Variants in RNF130 observed in about 807,000 individuals in gnomAD.
RNF130 encodes E3 ubiquitin-protein ligase RNF130.
A neutral mutation model predicts 44.6 loss-of-function variants in RNF130; 21 were observed. That is an observed-to-expected ratio of 0.47 (90% CI 0.33 to 0.68). The LOEUF is 0.68. Ranked by LOEUF, RNF130 falls within the 30% of genes least tolerant of loss-of-function variation. The probability of loss-of-function intolerance (pLI) is 0.02; values close to 1 mark genes in which losing one functional copy is unlikely to be tolerated. For synonymous variants in RNF130, 214 were observed against 210.4 expected, an observed-to-expected ratio of 1.02 and a Z score of -0.15; for missense variants, 479 against 560.6, an observed-to-expected ratio of 0.85 and a Z score of 1.47.
chr5:179,956,541 T>A (rs538013748), intron 8 of RNF130: 4 of 152,826 alleles, frequency 2.6e-5, no homozygotes, highest in Middle Eastern at 3.4e-3. Context: ...CAGCTCTTTA[T>A]AAGAATCAAG....
chr5:179,999,064 C>G (rs1053199619), intron 3 of RNF130, among the ~76,000 whole-genome samples: 3 of 150,718 alleles, frequency 2.0e-5, no homozygotes, highest in Non-Finnish European at 3.0e-5. Flanking sequence ...GCTTTGTCAC[C>G]CAGGCTGGAG....
At chr5:180,027,910 C>T (rs1008310959) in intron 2 of RNF130, among the ~76,000 whole-genome samples, 24 of 152,232 alleles carry the variant, frequency 1.6e-4, no homozygotes, top group African/African-American at 5.3e-4. Flanking sequence ...CCCAGTGCAG[C>T]GCTGGAAAGC....
At chr5:179,970,742 G>A (rs1008166582) in intron 5 of RNF130, among the ~76,000 whole-genome samples, 20 of 152,020 alleles carry the variant, frequency 1.3e-4, no homozygotes, top group African/African-American at 4.8e-4. Flanking sequence ...TGGTTGTTTG[G>A]GCCTTTTATT....
intron 1 of RNF130, among the ~76,000 whole-genome samples, chr5:180,053,120 G>A (rs1470738575): frequency 3.3e-5 from 5 of 152,256 alleles, no homozygotes; most frequent in South Asian, 4.2e-4. Flanking sequence ...GCATGCCGAG[G>A]TCAACTGGCC....
At chr5:180,033,205 C>T (rs1171071311) in intron 2 of RNF130, among the ~76,000 whole-genome samples, 3 of 152,128 alleles carry the variant, frequency 2.0e-5, no homozygotes, top group Non-Finnish European at 4.4e-5. Context: ...TGGTTTTAAA[C>T]TCCTGGGCTC....
intron 7 of RNF130, among the ~76,000 whole-genome samples, chr5:179,937,221 A>AGTATC (rs1582129015): frequency 6.6e-6 from 1 of 152,248 alleles, no homozygotes; most frequent in African/African-American, 2.4e-5. Flanking sequence ...ATCAAAACGA[A>AGTATC]AGACTTGTGC....
intron 3 of RNF130, among the ~76,000 whole-genome samples, chr5:179,985,188 A>G (rs1762927768): frequency 7.6e-6 from 1 of 131,508 alleles, no homozygotes; most frequent in Non-Finnish European, 1.6e-5. Flanking sequence ...CATATCCACA[A>G]TCTGTTTCAT....
chr5:180,031,138 T>C (rs1006151870), intron 2 of RNF130, among the ~76,000 whole-genome samples: 25 of 152,238 alleles, frequency 1.6e-4, no homozygotes, highest in African/African-American at 6.0e-4. Context: ...TAACAAAGTA[T>C]GTATTAATCG....
chr5:179,953,915 T>G (rs528622808), downstream of RNF130, among the ~76,000 whole-genome samples: 1 of 152,170 alleles, frequency 6.6e-6, no homozygotes, highest in South Asian at 2.1e-4. Context: ...CAAAAAACAG[T>G]CCAATTTAAA....
At chr5:179,952,171 C>G (rs1762135658), downstream of RNF130, among the ~76,000 whole-genome samples, 1 of 151,916 alleles carries the variant, frequency 6.6e-6, no homozygotes, top group African/African-American at 2.4e-5. Context: ...GCACTCCAGC[C>G]TGGGTGACAG....
intron 2 of RNF130, among the ~76,000 whole-genome samples, chr5:180,024,894 T>C (rs925033036): frequency 4.6e-5 from 7 of 152,056 alleles, no homozygotes; most frequent in African/African-American, 1.7e-4. Context: ...GCAGTAAAGC[T>C]CTCCTGGGGG....
intron 3 of RNF130, 87 bp downstream of exon 3, chr5:180,012,974 A>G: frequency 6.9e-7 from 1 of 1,457,714 alleles, no homozygotes; most frequent in South Asian, 1.4e-5. Context: ...TTTAAAAGAA[A>G]AAACATGTTA....
intron 3 of RNF130, among the ~76,000 whole-genome samples, chr5:179,983,695 T>A (rs1762893235): frequency 6.6e-6 from 1 of 152,162 alleles, no homozygotes; most frequent in Admixed American, 6.5e-5. Context: ...GGATTTACAA[T>A]GAGATTGTGC....
chr5:179,945,346 A>G (rs1762022119), intron 7 of RNF130, among the ~76,000 whole-genome samples: 1 of 152,146 alleles, frequency 6.6e-6, no homozygotes, highest in Non-Finnish European at 1.5e-5. Flanking sequence ...GCAAAACCTC[A>G]GCGGCGGGGG....
chr5:179,985,874 C>T (rs553352058), intron 3 of RNF130, among the ~76,000 whole-genome samples: 8 of 152,302 alleles, frequency 5.3e-5, no homozygotes, highest in African/African-American at 1.7e-4. Context: ...AAAATCCGTT[C>T]ACAAAAATAA....
chr5:179,920,797 T>A (rs764959), intron 7 of RNF130, among the ~76,000 whole-genome samples: 13,380 of 110,460 alleles, frequency 0.12, 726 homozygotes, highest in Non-Finnish European at 0.16. Context: ...ATATATATAT[T>A]TTTTTTTTTG....
At chr5:180,000,637 A>G (rs1561687102) in intron 3 of RNF130, among the ~76,000 whole-genome samples, 1 of 152,088 alleles carries the variant, frequency 6.6e-6, no homozygotes, top group Admixed American at 6.5e-5. Context: ...CCTATCTTCA[A>G]GTTGAGAGAT....
At chr5:180,043,787 C>T (rs1330205909) in intron 1 of RNF130, among the ~76,000 whole-genome samples, 1 of 151,936 alleles carries the variant, frequency 6.6e-6, no homozygotes, top group Non-Finnish European at 1.5e-5. Context: ...GTTCCTGTTT[C>T]CCAAAATTCA....
intron 8 of RNF130, among the ~76,000 whole-genome samples, chr5:179,961,201 C>T (rs934597679): frequency 6.6e-6 from 1 of 152,114 alleles, no homozygotes; most frequent in South Asian, 2.1e-4. Context: ...TTCTGGTGAG[C>T]ATCCTTGCTC....
Sources: allele counts gnomAD v4.1 joint callset (sites outside exome capture counted in the v4.1 genomes callset), GRCh38; gene constraint gnomAD v4.1.1; transcripts MANE v1.5; gene names NCBI Gene and HGNC (gene_info 2026-07-23, HGNC 2026-07-21).